Variants in DGKB observed in about 807,000 individuals in gnomAD.
The protein encoded by DGKB is 90 kDa diacylglycerol kinase.
In DGKB, 67 loss-of-function variants were observed where a neutral mutation model predicts 114.3. That is an observed-to-expected ratio of 0.59 (90% CI 0.48 to 0.72). The LOEUF (loss-of-function observed/expected upper bound fraction) is 0.72. Ranked by LOEUF, DGKB falls within the 30% of genes least tolerant of loss-of-function variation. The pLI is 0.00. For missense variants in DGKB, 907 were observed against 975.2 expected (o/e 0.93, Z 0.93); for synonymous variants, 398 against 323.1 (o/e 1.23, Z -2.49).
At chr7:14,751,983 T>A (rs537638636) in intron 4 of DGKB, among the ~76,000 whole-genome samples, 40 of 152,300 alleles carry the variant, frequency 2.6e-4, no homozygotes, top group Middle Eastern at 3.4e-3. Context: ...GAGCTATTTA[T>A]TATACATACA....
At chr7:14,338,448 T>C (rs1811067183) in intron 23 of DGKB, 67 bp downstream of exon 23, 3 of 993,810 alleles carry the variant, frequency 3.0e-6, no homozygotes, top group Admixed American at 2.7e-5. Context: ...GAAGACTCTT[T>C]ACTTTTAAAG....
intron 21 of DGKB, among the ~76,000 whole-genome samples, chr7:14,445,534 G>C (rs1233605722): frequency 6.6e-6 from 1 of 151,846 alleles, no homozygotes; most frequent in African/African-American, 2.4e-5. Flanking sequence ...ATTTAAAGAA[G>C]AAGAAACAGC....
At chr7:14,320,251 C>T (rs1807497184) in intron 23 of DGKB, among the ~76,000 whole-genome samples, 1 of 152,134 alleles carries the variant, frequency 6.6e-6, no homozygotes, top group South Asian at 2.1e-4. Flanking sequence ...GTTCTATCTA[C>T]TTCTATCTTA....
At chr7:14,477,545 T>C (rs1042254521) in intron 21 of DGKB, among the ~76,000 whole-genome samples, 69 of 152,168 alleles carry the variant, frequency 4.5e-4, no homozygotes, top group African/African-American at 1.6e-3. Flanking sequence ...ATGGGGAAGA[T>C]ACGGAACCAA....
chr7:14,523,631 A>C (rs1189571917), intron 20 of DGKB, among the ~76,000 whole-genome samples: 3 of 152,160 alleles, frequency 2.0e-5, no homozygotes, highest in African/African-American at 7.2e-5. Context: ...GTCATATATT[A>C]TCTTGTTTGG....
At chr7:14,379,263 A>G (rs1018769568) in intron 21 of DGKB, among the ~76,000 whole-genome samples, 1 of 152,130 alleles carries the variant, frequency 6.6e-6, no homozygotes, top group Non-Finnish European at 1.5e-5. Context: ...AAGAGCTCCC[A>G]TTTCTTTTCA....
At chr7:14,267,701 G>T (rs2128425131) in intron 23 of DGKB, among the ~76,000 whole-genome samples, 1 of 152,084 alleles carries the variant, frequency 6.6e-6, no homozygotes. Context: ...GTGTTAGCCA[G>T]GATGGTCTCG....
chr7:14,243,432 C>T (rs2128370842), intron 23 of DGKB, among the ~76,000 whole-genome samples: 1 of 152,272 alleles, frequency 6.6e-6, no homozygotes, highest in Non-Finnish European at 1.5e-5. Flanking sequence ...ATTCCTAGAA[C>T]CATATAGATG....
chr7:14,367,515 T>G (rs1816883859), intron 21 of DGKB, among the ~76,000 whole-genome samples: 1 of 152,092 alleles, frequency 6.6e-6, no homozygotes, highest in African/African-American at 2.4e-5. Context: ...CACATGGAAC[T>G]GTGAGTCCAT....
At chr7:14,350,587 C>T (rs2128604953) in intron 21 of DGKB, among the ~76,000 whole-genome samples, 1 of 151,944 alleles carries the variant, frequency 6.6e-6, no homozygotes, top group African/African-American at 2.4e-5. Context: ...AGTGAAACTA[C>T]TCTGAGAGGT....
At chr7:14,437,486 A>C (rs1241436790) in intron 21 of DGKB, among the ~76,000 whole-genome samples, 1 of 152,066 alleles carries the variant, frequency 6.6e-6, no homozygotes, top group African/African-American at 2.4e-5. Context: ...CTCCACTCTT[A>C]AAAGTATGCT....
At chr7:14,392,917 T>A (rs1468071496) in intron 21 of DGKB, among the ~76,000 whole-genome samples, 1 of 151,570 alleles carries the variant, frequency 6.6e-6, no homozygotes, top group Non-Finnish European at 1.5e-5. Flanking sequence ...AATAGCTCTG[T>A]GCTACATCAA....
chr7:14,484,248 C>A (rs1458615889), intron 20 of DGKB, among the ~76,000 whole-genome samples: 1 of 152,116 alleles, frequency 6.6e-6, no homozygotes, highest in Non-Finnish European at 1.5e-5. Flanking sequence ...ACACAACAAC[C>A]AAACAGTAAA....
rs1022144691 is a variant in DGKB at position 14,660,992 on chromosome 7, G to A, written c.1134+11937C>T. On this transcript the variant is annotated intron_variant, in intron 13 of 25. Coordinates refer to ENST00000402815, the MANE Select transcript of DGKB (RefSeq NM_001350709.2). The stretch of plus-strand genomic sequence containing the variant: ...TTAATAAATGGTGCTGGGAAAACTG[G>A]CTAGCCATATTTAGAAAGCTGAAAC... Among the ~76,000 whole-genome samples the A allele has an allele frequency of 1.3e-5, 2 of 148,428 alleles. 1 individual carries two copies.
chr7:14,677,478 T>C (rs1213378147), intron 12 of DGKB, among the ~76,000 whole-genome samples: 1 of 151,998 alleles, frequency 6.6e-6, no homozygotes, highest in Non-Finnish European at 1.5e-5. Flanking sequence ...CTTTAAACAT[T>C]ACTGTTAGGA....
intron 13 of DGKB, among the ~76,000 whole-genome samples, chr7:14,659,172 TAAC>T (rs1202584236): frequency 1.3e-5 from 2 of 152,002 alleles, no homozygotes; most frequent in African/African-American, 4.8e-5. Flanking sequence ...TCAGATATTA[TAAC>T]AAGAGAGTGT....
At chr7:14,959,951 A>C (rs574115455) in intron 1 of DGKB, among the ~76,000 whole-genome samples, 3 of 152,216 alleles carry the variant, frequency 2.0e-5, no homozygotes, top group African/African-American at 7.2e-5. Flanking sequence ...ATATTCAATC[A>C]TGAGGGAAAA....
chr7:14,225,510 T>C (rs1790653742), intron 23 of DGKB, among the ~76,000 whole-genome samples: 2 of 152,088 alleles, frequency 1.3e-5, no homozygotes, highest in African/African-American at 4.8e-5. Context: ...GCTCCTTATG[T>C]TGAAAGAGAA....
At chr7:14,155,997 T>C (rs937160449) in intron 25 of DGKB, among the ~76,000 whole-genome samples, 2 of 152,238 alleles carry the variant, frequency 1.3e-5, no homozygotes, top group African/African-American at 2.4e-5. Flanking sequence ...GGGGCATATA[T>C]GAATAGCAGA....
Sources: gnomAD v4.1 joint callset for allele counts (sites outside exome capture counted in the v4.1 genomes callset) on GRCh38, gnomAD v4.1.1 for gene constraint, MANE v1.5 for transcripts, NCBI Gene and HGNC (gene_info 2026-07-23, HGNC 2026-07-21) for gene names.